SLC38A4: variants seen among roughly 807,000 people sequenced by gnomAD.
SLC38A4 encodes sodium-coupled neutral amino acid transporter 4.
In SLC38A4, 20 loss-of-function variants were observed where a neutral mutation model predicts 63.1. That is an observed-to-expected ratio of 0.32 (90% confidence interval 0.22 to 0.46). The LOEUF (loss-of-function observed/expected upper bound fraction) is 0.46. Among genes scored for constraint, SLC38A4 ranks in the 20% least tolerant of loss-of-function variants. The pLI is 1.00. For synonymous variants in SLC38A4, 230 were observed against 225.5 expected (o/e 1.02, Z -0.18); for missense variants, 526 against 663.6 (o/e 0.79, Z 2.28).
chr12:46,774,036 G>A (rs2120753862), intron 14 of SLC38A4, among the ~76,000 whole-genome samples: 1 of 152,026 alleles, frequency 6.6e-6, no homozygotes. Flanking sequence ...CTGATTTTAG[G>A]CTAAAGCTAT....
chr12:46,827,669 C>T (rs1355251584), upstream of SLC38A4, among the ~76,000 whole-genome samples: 1 of 152,132 alleles, frequency 6.6e-6, no homozygotes, highest in Admixed American at 6.6e-5. Context: ...CCTCTCCCCT[C>T]ATAAAAGCAT....
chr12:46,775,137 T>A lies in SLC38A4; in HGVS notation c.1211A>T (p.Lys404Ile). The A allele has an allele frequency of 6.2e-7, 1 of 1,612,382 alleles. No individual in the cohort carries two copies. Among genetic ancestry groups the A allele is most frequent in the African/African-American group, 1.3e-5 (1 of 74,932 alleles). ...AAGAGGGATGTCTAATGTATACACT[T>A]TGCTGTAGGCATGAAGTAATTCATC... The part of the protein sequence containing the change: ...VEDELLHAYS[K>I]VYTLDIPLLM... The change falls in exon 14 of 17, where the codon AAA becomes ATA. Residue 404 changes from lysine (K) to isoleucine (I), a missense_variant. Lys to Ile is a moderately radical substitution (Grantham distance 102). Transcript: ENST00000266579.
At position 46,767,831 on chromosome 12, in the gene SLC38A4, G is replaced by A. The variant is rs147978981; in HGVS notation, c.1542+479C>T. 3.0e-3 allele frequency among the ~76,000 whole-genome samples: 449 copies of A among 152,154 alleles called. 3 individuals carry two copies. The highest frequency in any genetic ancestry group is 0.01 in the African/African-American group (425 of 41,534). On this transcript the variant is annotated intron_variant, in intron 16 of 16. Transcript: ENST00000266579. ...TTGTATCTAAAGAGGTTAACAGAAC[G>A]ATGAATGGTTCTGTTCTGGATCTTA...
chr12:46,811,861 G>C (rs1423784043), intron 1 of SLC38A4, among the ~76,000 whole-genome samples: 1 of 147,832 alleles, frequency 6.8e-6, no homozygotes, highest in African/African-American at 2.6e-5. Flanking sequence ...TGCTTCAAAT[G>C]ATGTAAACTA....
upstream of SLC38A4, among the ~76,000 whole-genome samples, chr12:46,828,872 C>T (rs562143395): frequency 4.6e-5 from 7 of 152,246 alleles, no homozygotes; most frequent in South Asian, 1.5e-3. Flanking sequence ...GAAGAAAGAA[C>T]TAAGAGACAT....
chr12:46,772,286 A>G (rs1381309974), intron 14 of SLC38A4, among the ~76,000 whole-genome samples: 1 of 152,094 alleles, frequency 6.6e-6, no homozygotes, highest in Non-Finnish European at 1.5e-5. Flanking sequence ...TGATATCTAT[A>G]TACACTTCAA....
chr12:46,825,271 T>C (rs1939624881), intron 1 of SLC38A4, among the ~76,000 whole-genome samples: 1 of 144,186 alleles, frequency 6.9e-6, no homozygotes, highest in Non-Finnish European at 1.6e-5. Context: ...GGCCTCTCTG[T>C]GCAACTGGAT....
intron 16 of SLC38A4, among the ~76,000 whole-genome samples, chr12:46,767,200 C>T (rs1938318782): frequency 6.6e-6 from 1 of 151,424 alleles, no homozygotes. Context: ...GCAAACAAAA[C>T]CAAAAGCTTA....
chr12:46,829,415 T>G (rs538938358), upstream of SLC38A4, among the ~76,000 whole-genome samples: 58 of 149,062 alleles, frequency 3.9e-4, 2 homozygotes, highest in Non-Finnish European at 7.7e-4. Context: ...TTGATTTTTA[T>G]AGAAATATTT....
At chr12:46,799,624 C>T (rs1280389586) in intron 2 of SLC38A4, among the ~76,000 whole-genome samples, 1 of 152,030 alleles carries the variant, frequency 6.6e-6, no homozygotes, top group African/African-American at 2.4e-5. Context: ...TTGCCTTGGC[C>T]AAGGGAGCTC....
At chr12:46,770,096 A>G (rs1938386883) in intron 14 of SLC38A4, among the ~76,000 whole-genome samples, 2 of 152,124 alleles carry the variant, frequency 1.3e-5, no homozygotes, top group Non-Finnish European at 2.9e-5. Flanking sequence ...ATTGTTAAAA[A>G]TAATCTCGGT....
intron 10 of SLC38A4, 95 bp from the exon 11 acceptor site, chr12:46,778,871 G>T: frequency 8.9e-7 from 1 of 1,126,474 alleles, no homozygotes; most frequent in Non-Finnish European, 1.3e-6. Context: ...GGTGGGGGGT[G>T]AGGGAACTCA....
rs144221826 is a variant in SLC38A4, at chr12:46,808,612, C to G, written c.-304-4818G>C. ...TGAAAAAGATCCTTCTGGTCCACTT[C>G]ATTTATTGATCCCACACTGAAATGA... On this transcript the variant is annotated intron_variant, in intron 1 of 16. Transcript: ENST00000266579. Among the ~76,000 whole-genome samples the G allele has an allele frequency of 5.6e-4, 85 of 152,126 alleles. 2 individuals carry two copies. The East Asian group carries it at 0.016, about 29-fold the overall frequency.
intron 4 of SLC38A4, 37 bp downstream of exon 4, chr12:46,788,491 A>C (rs1281305484): frequency 6.6e-6 from 10 of 1,521,788 alleles, no homozygotes; most frequent in Non-Finnish European, 8.2e-6. Flanking sequence ...AGACACCCTC[A>C]GTCCCGTTTA....
At chr12:46,805,857 G>C (rs1565674767) in intron 1 of SLC38A4, among the ~76,000 whole-genome samples, 1 of 151,958 alleles carries the variant, frequency 6.6e-6, no homozygotes, top group Non-Finnish European at 1.5e-5. Flanking sequence ...GTGCCACCAT[G>C]AATAGATATA....
chr12:46,827,789 A>C (rs113623200), upstream of SLC38A4, among the ~76,000 whole-genome samples: 1 of 151,994 alleles, frequency 6.6e-6, no homozygotes, highest in Non-Finnish European at 1.5e-5. Context: ...CCTCAAATGG[A>C]AAGATAAGAC....
intron 12 of SLC38A4, 113 bp from the exon 13 acceptor site, chr12:46,777,117 T>C (rs1938545227): frequency 1.2e-6 from 1 of 806,380 alleles, no homozygotes; most frequent in Non-Finnish European, 1.9e-6. Flanking sequence ...CATGAAGACA[T>C]ATTTAGTACA....
chr12:46,795,472 C>T (rs1043510982), intron 2 of SLC38A4, among the ~76,000 whole-genome samples: 1 of 152,026 alleles, frequency 6.6e-6, no homozygotes, highest in Non-Finnish European at 1.5e-5. Context: ...ACTTTGAAAG[C>T]AAATTTTCTA....
chr12:46,828,060 C>T (rs898316376), upstream of SLC38A4, among the ~76,000 whole-genome samples: 1 of 152,126 alleles, frequency 6.6e-6, no homozygotes, highest in African/African-American at 2.4e-5. Flanking sequence ...CCCAAGCATT[C>T]TCTACTGACT....
Sources: allele counts gnomAD v4.1 joint callset (sites outside exome capture counted in the v4.1 genomes callset), GRCh38; gene constraint gnomAD v4.1.1; transcripts MANE v1.5; gene names NCBI Gene and HGNC (gene_info 2026-07-23, HGNC 2026-07-21).